The following SLC24A2 variants were observed in gnomAD, a reference collection of about 807,000 sequenced individuals.
The protein encoded by SLC24A2 is solute carrier family 24 member 2, also known as sodium/potassium/calcium exchanger 2.
A neutral mutation model predicts 62.0 loss-of-function variants in SLC24A2; 36 were observed. The ratio of observed to expected loss-of-function variants is 0.58; its 90% confidence interval spans 0.44 to 0.77. The LOEUF is 0.77. Among genes scored for constraint, SLC24A2 ranks in the 30% least tolerant of loss-of-function variants. The probability of loss-of-function intolerance (pLI) is 0.00; values close to 1 mark genes in which losing one functional copy is unlikely to be tolerated. For missense variants in SLC24A2, 846 were observed against 817.9 expected (o/e 1.03, Z -0.42); for synonymous variants, 358 against 294.0 (o/e 1.22, Z -2.23).
the SLC24A2 span, among the ~76,000 whole-genome samples, chr9:20,239,291 G>A: frequency 6.6e-6 from 1 of 152,204 alleles, no homozygotes; most frequent in Non-Finnish European, 1.5e-5. Flanking sequence ...GTTAAGCATT[G>A]CATGGGACAT....
chr9:20,303,000 G>C, the SLC24A2 span, among the ~76,000 whole-genome samples: 2 of 152,042 alleles, frequency 1.3e-5, no homozygotes, highest in African/African-American at 4.8e-5. Flanking sequence ...TAGAGTATCT[G>C]ATATATTTTG....
chr9:20,014,845 A>G, the SLC24A2 span, among the ~76,000 whole-genome samples: 1 of 152,130 alleles, frequency 6.6e-6, no homozygotes, highest in South Asian at 2.1e-4. Flanking sequence ...GTCAATAGCT[A>G]TGTATTATAT....
At chr9:19,575,310 C>G (rs1835975083) in intron 6 of SLC24A2, among the ~76,000 whole-genome samples, 1 of 152,100 alleles carries the variant, frequency 6.6e-6, no homozygotes, top group Admixed American at 6.5e-5. Context: ...GAATAAAACT[C>G]TGTTTGGAGA....
the SLC24A2 span, among the ~76,000 whole-genome samples, chr9:19,940,843 T>G: frequency 1.3e-5 from 2 of 152,248 alleles, no homozygotes; most frequent in Non-Finnish European, 1.5e-5. Flanking sequence ...TGTGGCTTTT[T>G]GTAAAGCCAA....
chr9:20,071,797 T>C, the SLC24A2 span, among the ~76,000 whole-genome samples: 1 of 152,134 alleles, frequency 6.6e-6, no homozygotes, highest in South Asian at 2.1e-4. Context: ...GTCGCAAGTC[T>C]GGGCCTCCAG....
chr9:19,698,971 A>C (rs1820277770), intron 2 of SLC24A2, among the ~76,000 whole-genome samples: 1 of 152,230 alleles, frequency 6.6e-6, no homozygotes, highest in Non-Finnish European at 1.5e-5. Flanking sequence ...CAAAATCAGA[A>C]TATATGGTCT....
chr9:19,843,480 G>A, the SLC24A2 span, among the ~76,000 whole-genome samples: 2 of 152,178 alleles, frequency 1.3e-5, no homozygotes, highest in African/African-American at 2.4e-5. Context: ...CCATTGTGCT[G>A]CAGCCTGGGC....
At chr9:20,303,277 T>C in the SLC24A2 span, among the ~76,000 whole-genome samples, 1 of 152,090 alleles carries the variant, frequency 6.6e-6, no homozygotes, top group Non-Finnish European at 1.5e-5. Context: ...GGTACATCCC[T>C]CCTCCCACCT....
the SLC24A2 span, among the ~76,000 whole-genome samples, chr9:20,008,617 T>G: frequency 6.6e-6 from 1 of 152,094 alleles, no homozygotes; most frequent in African/African-American, 2.4e-5. Context: ...CCCTAAAAGG[T>G]AGAGTGTGCT....
chr9:19,553,633 T>C (rs1273709469), intron 7 of SLC24A2, among the ~76,000 whole-genome samples: 1 of 152,020 alleles, frequency 6.6e-6, no homozygotes, highest in Non-Finnish European at 1.5e-5. Flanking sequence ...CTGGGCAGAG[T>C]AGGTGGTAGA....
At chr9:20,164,131 T>C in the SLC24A2 span, among the ~76,000 whole-genome samples, 165 of 152,122 alleles carry the variant, frequency 1.1e-3, 2 homozygotes, top group African/African-American at 3.8e-3. Context: ...AATGGACAAA[T>C]GGGATCTCAT....
At chr9:19,934,734 G>C in the SLC24A2 span, among the ~76,000 whole-genome samples, 1,317 of 152,352 alleles carry the variant, frequency 8.6e-3, 23 homozygotes, top group Middle Eastern at 0.034. This position sits in a 1 kb window ranked among gnomAD's most constrained non-coding sequence, Gnocchi z 4.1. Flanking sequence ...CCGGAGAGTT[G>C]TAAAGCTCGG....
the SLC24A2 span, among the ~76,000 whole-genome samples, chr9:20,036,580 T>C: frequency 1.3e-5 from 2 of 152,336 alleles, no homozygotes; most frequent in South Asian, 2.1e-4. Context: ...AGTGAGAACA[T>C]GCAGTATCTG....
At chr9:19,881,988 C>T in the SLC24A2 span, among the ~76,000 whole-genome samples, 41,423 of 152,080 alleles carry the variant, frequency 0.27, 6,407 homozygotes, top group Non-Finnish European at 0.34. Context: ...CAACCTATGC[C>T]TATTCCATAA....
At chr9:20,112,061 C>G in the SLC24A2 span, among the ~76,000 whole-genome samples, 3 of 152,062 alleles carry the variant, frequency 2.0e-5, no homozygotes, top group Non-Finnish European at 4.4e-5. Flanking sequence ...AAAAGTAGAG[C>G]TAACTGGACA....
chr9:20,157,594 G>A, the SLC24A2 span, among the ~76,000 whole-genome samples: 1 of 151,624 alleles, frequency 6.6e-6, no homozygotes. Context: ...GATACTGGAG[G>A]TTGCAACCAG....
At chr9:20,210,522 G>A in the SLC24A2 span, among the ~76,000 whole-genome samples, 3 of 151,888 alleles carry the variant, frequency 2.0e-5, no homozygotes, top group Non-Finnish European at 2.9e-5. Context: ...CGCCCAGGCT[G>A]GAGTGTAGTG....
chr9:19,984,906 G>A, the SLC24A2 span, among the ~76,000 whole-genome samples: 2 of 151,908 alleles, frequency 1.3e-5, no homozygotes, highest in African/African-American at 4.8e-5. Flanking sequence ...GAGTATATGG[G>A]AACTTGTAAT....
chr9:19,720,454 T>C (rs896334659), intron 2 of SLC24A2, among the ~76,000 whole-genome samples: 3 of 152,048 alleles, frequency 2.0e-5, no homozygotes, highest in African/African-American at 7.2e-5. Context: ...GAGAAGAAAG[T>C]GCTGAGACAC....
Sources: gnomAD v4.1 joint callset for allele counts (sites outside exome capture counted in the v4.1 genomes callset) on GRCh38, gnomAD v4.1.1 for gene constraint, Gnocchi (gnomAD v3.1) non-coding constraint, MANE v1.5 for transcripts, NCBI Gene and HGNC (gene_info 2026-07-23, HGNC 2026-07-21) for gene names.